Variants in CAPN15 observed in about 807,000 individuals in gnomAD.
The protein encoded by CAPN15 is calpain-15.
A neutral mutation model predicts 97.9 loss-of-function variants in CAPN15; 53 were observed. The observed-to-expected ratio is 0.54, with a 90% CI of 0.43 to 0.68. The LOEUF (loss-of-function observed/expected upper bound fraction) is 0.68, where lower values mean the gene tolerates loss of function less well. Ranked by LOEUF, CAPN15 falls within the 30% of genes least tolerant of loss-of-function variation. CAPN15 has a pLI of 0.00. For synonymous variants in CAPN15, 922 were observed against 722.5 expected (o/e 1.28, Z -4.43); for missense variants, 1,592 against 1,589.8 (o/e 1.00, Z -0.02).
At chr16:540,247 G>A (rs1010338232) in intron 3 of CAPN15, 114 of 985,342 alleles carry the variant, frequency 1.2e-4, no homozygotes, top group East Asian at 2.3e-4. Flanking sequence ...CAGCTTCCCC[G>A]GGGGACCGCC....
rs139221270 is a variant in CAPN15 at position 553,375 on chromosome 16, C to T, written c.3120C>T (p.Asn1040=). Residue 1040 remains asparagine, a synonymous_variant, in exon 14 of 14, where the codon AAC becomes AAT. Coordinates refer to ENST00000219611, the MANE Select transcript of CAPN15 (RefSeq NM_005632.3). ...TGATCTTGTCCCAGCTAGAGGGCAA[C>T]GCCGGCTTCTCTATCACCCACCGCC... ...VLVILSQLEG[N]AGFSITHRLA... 3.2e-5 allele frequency: 51 copies of T among 1,607,772 alleles called. No homozygotes were observed. Among genetic ancestry groups the T allele is most frequent in the East Asian group, 2.7e-4 (12 of 44,672 alleles).
At chr16:550,684 A>ATG (rs2034933181) in intron 7 of CAPN15, among the ~76,000 whole-genome samples, 1 of 42,234 alleles carries the variant, frequency 2.4e-5, no homozygotes, top group African/African-American at 5.6e-5. Context: ...GAGGGCCCCC[A>ATG]GTCGGTGAGG....
In CAPN15 at chr16:552,584, T is replaced by TTCACACG. The variant is rs748184871; in HGVS notation, c.2738-20_2738-14dup. On this transcript the variant is annotated intron_variant, in intron 11 of 13. Transcript: ENST00000219611. The surrounding 1 kb of genome is among the most constrained non-coding windows in gnomAD (Gnocchi z 6.4). ...CCCAGGCCCACGGGGAGGGCTGCGG[T>TTCACACG]TCACACGCCCGTCCTTGTAGCCTCC... The TTCACACG allele has an allele frequency of 9.1e-5, 141 of 1,552,490 alleles. No individual in the cohort carries two copies. The East Asian group carries it at 3.3e-3, about 36-fold the overall frequency.
chr16:553,980 C>G lies in CAPN15; in HGVS notation c.*464C>G. On this transcript the variant is annotated 3_prime_UTR_variant, in exon 14 of 14. Coordinates refer to ENST00000219611, the MANE Select transcript of CAPN15 (RefSeq NM_005632.3). ...CCCCAGAGCCCGGGTCCCTGTCCCC[C>G]ACAGGGCAGGCGGGGTCCCTGGAGC... 1 of 187,334 alleles carries G rather than the reference C, an allele frequency of 5.3e-6. No individual in the cohort carries two copies. The highest frequency in any genetic ancestry group is 1.6e-4 in the East Asian group (1 of 6,348). The allele number at this position is 187,334 out of a possible 1,614,324, so 11.6% of individuals were successfully genotyped here. A position where few individuals can be genotyped will look rare whatever the true frequency, so the allele number is the denominator to read the frequency against.
chr16:547,072 C>T lies in CAPN15; in HGVS notation c.234C>T (p.Ala78=). The T allele has an allele frequency of 1.3e-6, 2 of 1,599,890 alleles. No homozygotes were observed. The highest frequency in any genetic ancestry group is 1.7e-6 in the Non-Finnish European group (2 of 1,175,344). The change falls in exon 4 of 14, where the codon GCC becomes GCT. Residue 78 remains alanine, a synonymous_variant. Transcript: ENST00000219611. The part of the protein sequence containing the change: ...GFTPEPAPGA[A]FLPVLNGVLP... ...CCCCGGAGCCTGCGCCTGGGGCTGC[C>T]TTCCTGCCAGTCCTCAACGGGGTCC...
At chr16:545,951 G>A (rs1227699308) in intron 3 of CAPN15, among the ~76,000 whole-genome samples, 1 of 152,242 alleles carries the variant, frequency 6.6e-6, no homozygotes, top group Non-Finnish European at 1.5e-5. Context: ...TCCGAGTGGT[G>A]ATGGCGGGGA....
rs769333383 is a variant in CAPN15 at position 549,323 on chromosome 16, C to T, written c.1694C>T (p.Pro565Leu). ...GCCCTGGCGGTGCTGGCGGAGCGGC[C>T]GGACCTGGTGGAGCGGGTGATGGTC... ...LSALAVLAER[P>L]DLVERVMVTR... The change falls in exon 6 of 14, where the codon CCG becomes CTG. Residue 565 changes from proline (P) to leucine (L), a missense_variant. Physicochemically the swap from Pro to Leu is moderately conservative, Grantham distance 98. Transcript: ENST00000219611. 7 of 1,593,904 alleles carry T rather than the reference C, an allele frequency of 4.4e-6. No homozygotes were observed. The highest frequency in any genetic ancestry group is 1.1e-5 in the South Asian group (1 of 89,866).
intron 1 of CAPN15, among the ~76,000 whole-genome samples, chr16:532,846 C>T (rs2033369777): frequency 1.4e-5 from 2 of 148,040 alleles, no homozygotes; most frequent in African/African-American, 2.5e-5. Flanking sequence ...GAGCGAGACT[C>T]TGTCAGAGAA....
At chr16:551,903 G>A in intron 9 of CAPN15, 148 bp from the exon 10 acceptor site, 1 of 1,022,878 alleles carries the variant, frequency 9.8e-7, no homozygotes, top group Non-Finnish European at 1.5e-6. Context: ...AGGCCTCAGG[G>A]ATGGGCCCCC....
intron 1 of CAPN15, among the ~76,000 whole-genome samples, chr16:531,753 C>T (rs2033279645): frequency 6.6e-6 from 1 of 151,984 alleles, no homozygotes. Context: ...CCCAGGGCCA[C>T]ACGGCTCCCA....
intron 3 of CAPN15, among the ~76,000 whole-genome samples, chr16:542,965 C>T (rs60116146): frequency 0.013 from 1,970 of 151,384 alleles, 49 homozygotes; most frequent in African/African-American, 0.045. Context: ...GCAGGAGAAT[C>T]GCTTGAACTT....
intron 1 of CAPN15, among the ~76,000 whole-genome samples, chr16:532,968 C>G (rs1279506883): frequency 6.6e-6 from 1 of 152,084 alleles, no homozygotes; most frequent in Non-Finnish European, 1.5e-5. Context: ...TGCCTGGAAT[C>G]CCAGCACTGG....
chr16:535,118 C>T lies in CAPN15; in HGVS notation c.-136-911C>T, dbSNP rs562019155. On this transcript the variant is annotated intron_variant, in intron 2 of 13. Coordinates refer to ENST00000219611, the MANE Select transcript of CAPN15 (RefSeq NM_005632.3). This position sits in a 1 kb window ranked among gnomAD's most constrained non-coding sequence, Gnocchi z 6.2. ...GGGCTCCCAGCTCCCCAGGTAGGGA[C>T]GCTGACCCCGGGAGGTGCCTTTGCC... Among the ~76,000 whole-genome samples, 88 of 152,274 alleles carry T rather than the reference C, an allele frequency of 5.8e-4. No homozygotes were observed. Among genetic ancestry groups the T allele is most frequent in the African/African-American group, 1.7e-3 (70 of 41,552 alleles).
rs967416613 is a variant in CAPN15, at chr16:547,579, C to T, written c.741C>T (p.Ser247=). 17 of 1,581,076 alleles carry T rather than the reference C, an allele frequency of 1.1e-5. No homozygotes were observed. The Admixed American group carries it at 2.7e-4, about 25-fold the overall frequency. Residue 247 remains serine, a synonymous_variant, in exon 4 of 14, where the codon AGC becomes AGT. Transcript: ENST00000219611. ...TGCAGAACAACCCCGTGCCGCGCAG[C>T]CGACGCGAGGTTCCCCCCCAGCTGC... ...STLQNNPVPR[S]RREVPPQLQP...
intron 3 of CAPN15, among the ~76,000 whole-genome samples, chr16:544,078 G>A (rs1200830622): frequency 1.3e-5 from 2 of 152,166 alleles, no homozygotes; most frequent in Admixed American, 6.5e-5. Context: ...CCGGGCACCG[G>A]CGGCTCAGCA....
intron 3 of CAPN15, chr16:538,409 G>A (rs1008889881): frequency 4.6e-5 from 7 of 152,210 alleles, no homozygotes; most frequent in African/African-American, 1.7e-4. Context: ...GGCCCCGTGT[G>A]TCCTGTGACC....
chr16:541,518 G>A (rs1352336648), intron 3 of CAPN15, among the ~76,000 whole-genome samples: 1 of 152,214 alleles, frequency 6.6e-6, no homozygotes, highest in African/African-American at 2.4e-5. Flanking sequence ...TGCGTGTGGT[G>A]GCACCGGAGC....
At position 549,092 on chromosome 16, in the gene CAPN15, C is replaced by T; in HGVS notation, c.1549C>T (p.Arg517Ter). 2.5e-6 allele frequency: 4 copies of T among 1,612,520 alleles called. No individual in the cohort carries two copies. Among genetic ancestry groups the T allele is most frequent in the African/African-American group, 1.3e-5 (1 of 75,068 alleles). Reference sequence around the variant, plus strand: ...GCAGCAGCGTGTGAGGCAGTGGCTGCGACCCCAGGAGATCAACTGCTCCGT... The same window carrying T: ...GCAGCAGCGTGTGAGGCAGTGGCTGTGACCCCAGGAGATCAACTGCTCCGT... ...SVQQRVRQWL[R>*]PQEINCSVFR... Residue 517 changes from arginine to a stop codon, truncating the protein, a stop_gained, in exon 5 of 14, where the codon CGA becomes TGA. Coordinates refer to ENST00000219611, the MANE Select transcript of CAPN15 (RefSeq NM_005632.3). LOFTEE classifies it high-confidence loss of function.
At chr16:534,954 C>T (rs1019179124) in intron 2 of CAPN15, among the ~76,000 whole-genome samples, 1 of 151,722 alleles carries the variant, frequency 6.6e-6, no homozygotes, top group Non-Finnish European at 1.5e-5. Context: ...GTGTCACCTG[C>T]GGGGCAGGGG....
Sources: gnomAD v4.1 joint callset for allele counts (sites outside exome capture counted in the v4.1 genomes callset) on GRCh38, gnomAD v4.1.1 for gene constraint, Gnocchi (gnomAD v3.1) non-coding constraint, MANE v1.5 for transcripts, NCBI Gene and HGNC (gene_info 2026-07-23, HGNC 2026-07-21) for gene names.